MED12L: variants seen among roughly 807,000 people sequenced by gnomAD.
MED12L encodes the protein mediator complex subunit 12L.
MED12L carries 60 observed loss-of-function variants against 281.3 expected under a neutral mutation model. That is an observed-to-expected ratio of 0.21 (90% confidence interval 0.17 to 0.26). The LOEUF is 0.26. Ranked by LOEUF, MED12L falls within the 10% of genes least tolerant of loss-of-function variation. The probability of loss-of-function intolerance (pLI) is 1.00; values close to 1 mark genes in which losing one functional copy is unlikely to be tolerated. For missense variants in MED12L, 2,146 were observed against 2,680.9 expected, an observed-to-expected ratio of 0.80 and a Z score of 4.41; for synonymous variants, 974 against 987.2, an observed-to-expected ratio of 0.99 and a Z score of 0.25.
intron 16 of MED12L, among the ~76,000 whole-genome samples, chr3:151,250,871 T>TA (rs1156318133): frequency 2.0e-5 from 3 of 152,222 alleles, no homozygotes; most frequent in African/African-American, 7.2e-5. Flanking sequence ...TGAACCATCT[T>TA]ACGTTCCCAC....
At chr3:151,246,221 A>G (rs1043122312) in intron 16 of MED12L, among the ~76,000 whole-genome samples, 5 of 152,222 alleles carry the variant, frequency 3.3e-5, no homozygotes, top group African/African-American at 1.2e-4. Flanking sequence ...ATTCAATGCC[A>G]TCCCCATCAA....
At chr3:151,401,663 G>A (rs1039188240) in intron 39 of MED12L, among the ~76,000 whole-genome samples, 2 of 152,120 alleles carry the variant, frequency 1.3e-5, no homozygotes, top group Non-Finnish European at 2.9e-5. Flanking sequence ...TTAAAGGTAG[G>A]CAAAATAGTC....
intron 43 of MED12L, among the ~76,000 whole-genome samples, chr3:151,418,763 T>C (rs1717918495): frequency 6.6e-6 from 1 of 152,262 alleles, no homozygotes; most frequent in African/African-American, 2.4e-5. Context: ...TCATTACTCA[T>C]CAAATCTTCA....
At chr3:151,195,325 TA>T (rs1287099646) in intron 16 of MED12L, among the ~76,000 whole-genome samples, 2 of 152,206 alleles carry the variant, frequency 1.3e-5, no homozygotes, top group African/African-American at 2.4e-5. Context: ...CAAACCCATT[TA>T]TTTTTTTCTT....
At chr3:151,299,357 T>C (rs187258050) in intron 16 of MED12L, among the ~76,000 whole-genome samples, 5 of 19,380 alleles carry the variant, frequency 2.6e-4, no homozygotes, top group African/African-American at 1.4e-3. Context: ...TCCTTCCTTC[T>C]TTCTTTTCTT....
intron 39 of MED12L, among the ~76,000 whole-genome samples, chr3:151,408,348 A>T (rs1459577757): frequency 1.3e-5 from 2 of 152,222 alleles, no homozygotes; most frequent in East Asian, 3.8e-4. Context: ...AAATACCTAC[A>T]CTACTTTTCA....
chr3:151,262,324 C>A (rs1311614712), intron 16 of MED12L, among the ~76,000 whole-genome samples: 6 of 152,238 alleles, frequency 3.9e-5, no homozygotes, highest in African/African-American at 1.4e-4. Flanking sequence ...TCTCCAGTAG[C>A]ATGAGTAGCC....
At chr3:151,327,734 TA>T (rs63497161) in intron 16 of MED12L, 38,686 of 249,516 alleles carry the variant, frequency 0.16, 1,248 homozygotes, top group Non-Finnish European at 0.2. Context: ...CTCTTGAAAT[TA>T]AAAAAAAAAA....
chr3:151,323,770 C>A (rs1442226133), intron 16 of MED12L, among the ~76,000 whole-genome samples: 1 of 152,172 alleles, frequency 6.6e-6, no homozygotes, highest in Non-Finnish European at 1.5e-5. Flanking sequence ...ATGCAAAAGG[C>A]CCTGTACCCA....
chr3:151,292,549 G>A lies in MED12L; in HGVS notation c.2251-57510G>A, dbSNP rs529349854. Among the ~76,000 whole-genome samples the A allele has an allele frequency of 2.6e-5, 4 of 151,848 alleles. No homozygotes were observed. In the East Asian group the frequency reaches 5.8e-4, roughly 22 times the overall value. Reference sequence around the variant, plus strand: ...GCTTCCCTAAGTGCTGGGATTACAGGTGTGAGCCACTGCGCGCAGCTTGCT... The same window carrying A: ...GCTTCCCTAAGTGCTGGGATTACAGATGTGAGCCACTGCGCGCAGCTTGCT... On this transcript the variant is annotated intron_variant, in intron 16 of 44. Transcript: ENST00000687756.
At chr3:151,407,348 C>T (rs776595852) in intron 39 of MED12L, among the ~76,000 whole-genome samples, 12 of 152,128 alleles carry the variant, frequency 7.9e-5, no homozygotes, top group Non-Finnish European at 2.9e-5. Flanking sequence ...AAAGAGGGCA[C>T]GAGTGTTATA....
chr3:151,328,537 G>A (rs747613175), intron 16 of MED12L: 3 of 1,613,710 alleles, frequency 1.9e-6, no homozygotes, highest in African/African-American at 2.7e-5. Context: ...GCAGGGAGAT[G>A]AAGAACAAAA....
Position 151,284,492 on chromosome 3 carries a change from C to G in MED12L, c.2251-65567C>G, listed in dbSNP as rs554625577. 9.3e-4 allele frequency among the ~76,000 whole-genome samples: 142 copies of G among 152,270 alleles called. 1 individual carries two copies. The highest frequency in any genetic ancestry group is 4.6e-3 in the Admixed American group (71 of 15,300). Reference sequence around the variant, plus strand: ...ATTAATGCTGTAGAGAGCTGCATATCTTTATAATTAATAATTTGAGCACAA... The same window carrying G: ...ATTAATGCTGTAGAGAGCTGCATATGTTTATAATTAATAATTTGAGCACAA... On this transcript the variant is annotated intron_variant, in intron 16 of 44. Coordinates refer to ENST00000687756, the MANE Select transcript of MED12L (RefSeq NM_001393769.1).
chr3:151,136,736 C>T (rs932047218), intron 5 of MED12L, among the ~76,000 whole-genome samples: 2 of 152,180 alleles, frequency 1.3e-5, no homozygotes, highest in African/African-American at 4.8e-5. Context: ...GGCTTTCTCT[C>T]ATGTGATAAA....
intron 16 of MED12L, among the ~76,000 whole-genome samples, chr3:151,224,425 C>T (rs1401299934): frequency 2.0e-5 from 3 of 150,498 alleles, no homozygotes; most frequent in Non-Finnish European, 4.4e-5. Flanking sequence ...GCTTTAATCT[C>T]TCATGCCTTA....
At chr3:151,388,220 G>T in intron 37 of MED12L, 48 bp downstream of exon 37, 1 of 1,537,686 alleles carries the variant, frequency 6.5e-7, no homozygotes, top group South Asian at 1.3e-5. Flanking sequence ...CATTTAGTAT[G>T]AGATTTACTC....
chr3:151,289,230 A>G (rs957124715), intron 16 of MED12L, among the ~76,000 whole-genome samples: 1 of 152,226 alleles, frequency 6.6e-6, no homozygotes, highest in Non-Finnish European at 1.5e-5. Context: ...CAGGGAACGG[A>G]TGAGCTATCC....
At chr3:151,353,832 G>A (rs1400184774) in intron 17 of MED12L, among the ~76,000 whole-genome samples, 1 of 152,138 alleles carries the variant, frequency 6.6e-6, no homozygotes, top group Non-Finnish European at 1.5e-5. Context: ...TGTCTTGGTA[G>A]CCTTTAACTA....
At chr3:151,184,572 TC>T (rs1312328951) in intron 11 of MED12L, among the ~76,000 whole-genome samples, 1 of 152,162 alleles carries the variant, frequency 6.6e-6, no homozygotes, top group Non-Finnish European at 1.5e-5. Flanking sequence ...ATCTCCCCGC[TC>T]ACCACTCGCT....
Sources: gnomAD v4.1 joint callset for allele counts (sites outside exome capture counted in the v4.1 genomes callset) on GRCh38, gnomAD v4.1.1 for gene constraint, MANE v1.5 for transcripts, NCBI Gene and HGNC (gene_info 2026-07-23, HGNC 2026-07-21) for gene names.